The following HGD variants were observed in gnomAD, a reference collection of about 807,000 sequenced individuals.
HGD encodes homogentisate oxidase.
In HGD, 61 loss-of-function variants were observed where a neutral mutation model predicts 60.8. The observed-to-expected ratio is 1.00, with a 90% CI of 0.82 to 1.24. The LOEUF is 1.24. Among genes scored for constraint, HGD ranks in the 50% most tolerant of loss-of-function variants. The probability of loss-of-function intolerance (pLI) is 0.00; values close to 1 mark genes in which losing one functional copy is unlikely to be tolerated. For synonymous variants in HGD, 212 were observed against 187.7 expected (o/e 1.13, Z -1.06); for missense variants, 542 against 547.1 (o/e 0.99, Z 0.09).
intron 12 of HGD, 85 bp downstream of exon 12, chr3:120,638,369 AC>A (rs552542325): frequency 1.3e-5 from 20 of 1,532,776 alleles, no homozygotes; most frequent in Non-Finnish European, 1.7e-5. Flanking sequence ...TCCAGAAATA[AC>A]CCAGGCATTA....
intron 13 of HGD, among the ~76,000 whole-genome samples, chr3:120,629,694 A>T (rs906799462): frequency 6.6e-6 from 1 of 152,230 alleles, no homozygotes; most frequent in African/African-American, 2.4e-5. Context: ...AAAAGCTGGA[A>T]GCATTCCCTT....
At chr3:120,677,331 C>T (rs1054601097) in intron 1 of HGD, among the ~76,000 whole-genome samples, 2 of 152,024 alleles carry the variant, frequency 1.3e-5, no homozygotes, top group Non-Finnish European at 2.9e-5. Flanking sequence ...GGAGAAATAT[C>T]GCTGAATTCT....
chr3:120,633,251 C>G lies in HGD; in HGVS notation c.1084G>C (p.Gly362Arg). The G allele has an allele frequency of 6.2e-7, 1 of 1,614,020 alleles. No homozygotes were observed. The highest frequency in any genetic ancestry group is 1.1e-5 in the South Asian group (1 of 91,060). The change falls in exon 13 of 14, where the codon GGG (glycine) becomes CGG (arginine). Residue 362 changes from glycine to arginine, a missense_variant. By Grantham distance (125) the Gly-to-Arg change is moderately radical. Transcript: ENST00000283871. Reference protein sequence around the residue: ...AKQGGFLPGGGSLHSTMTPHG... With the variant: ...AKQGGFLPGGRSLHSTMTPHG... Reference sequence around the variant, plus strand: ...GGGGTCATTGTGCTGTGTAGACTCCCTCCCCCTGGCAGGAACCCACCTTGC... The same window carrying G: ...GGGGTCATTGTGCTGTGTAGACTCCGTCCCCCTGGCAGGAACCCACCTTGC...
At chr3:120,647,163 C>G (rs1941192361) in intron 7 of HGD, 111 bp from the exon 8 acceptor site, 1 of 801,948 alleles carries the variant, frequency 1.2e-6, no homozygotes, top group Admixed American at 1.8e-5. Context: ...ATGCAAAGAG[C>G]TTTATTGAGT....
rs1708092777 is a variant in HGD, at chr3:120,674,877, T to G, written c.176+24A>C. ...TGTCATAGTACCCACAGTCTGCAGG[T>G]CAGAATTCATCTAATCCTTGTACCT... On this transcript the variant is annotated intron_variant, in intron 3 of 13. Transcript: ENST00000283871. The G allele has an allele frequency of 2.0e-6, 3 of 1,516,194 alleles. No homozygotes were observed. In the South Asian group the frequency reaches 3.4e-5, roughly 17 times the overall value. The allele number at this position is 1,516,194 out of a possible 1,614,324, so 93.9% of individuals were successfully genotyped here.
chr3:120,670,380 C>T (rs1213425362), intron 4 of HGD, 47 bp downstream of exon 4: 1 of 926,376 alleles, frequency 1.1e-6, no homozygotes, highest in Non-Finnish European at 1.8e-6. Context: ...TATTTCTAGT[C>T]AAGGCTTTGG....
chr3:120,670,564 C>T (rs760532061), intron 3 of HGD, 32 bp from the exon 4 acceptor site: 1 of 1,221,858 alleles, frequency 8.2e-7, no homozygotes, highest in East Asian at 2.3e-5. Context: ...ATATACAAGC[C>T]TTAGAGTAAT....
Position 120,682,186 on chromosome 3 carries a change from C to T in HGD, c.-75G>A. 7.1e-7 allele frequency: 1 copy of T among 1,406,164 alleles called. No homozygotes were observed. Among genetic ancestry groups the T allele is most frequent in the East Asian group, 2.3e-5 (1 of 43,892 alleles). 87.1% of individuals were successfully genotyped at this position (1,406,164 alleles called of 1,614,324 possible). A position where few individuals can be genotyped will look rare whatever the true frequency, so the allele number is the denominator to read the frequency against. On this transcript the variant is annotated 5_prime_UTR_variant, in exon 1 of 14. Transcript: ENST00000283871. ...ATATAAAGCCACAATGCTTCTTTCTCCTTCAAACCACTCTTTGGATATTCC... is the reference window on the plus strand; with the variant it reads ...ATATAAAGCCACAATGCTTCTTTCTTCTTCAAACCACTCTTTGGATATTCC...
chr3:120,647,440 G>C (rs954221830), intron 7 of HGD, among the ~76,000 whole-genome samples: 2 of 152,182 alleles, frequency 1.3e-5, no homozygotes, highest in African/African-American at 4.8e-5. Context: ...AAACCATCAA[G>C]TATAATAGGC....
At chr3:120,653,249 A>G (rs1339075847) in intron 4 of HGD, among the ~76,000 whole-genome samples, 2 of 152,224 alleles carry the variant, frequency 1.3e-5, no homozygotes, top group African/African-American at 4.8e-5. Flanking sequence ...AGTTTAAATC[A>G]CAACAATCTT....
At chr3:120,651,966 AAT>A (rs1387101633) in intron 5 of HGD, among the ~76,000 whole-genome samples, 1 of 152,216 alleles carries the variant, frequency 6.6e-6, no homozygotes, top group Non-Finnish European at 1.5e-5. Context: ...TCTTTCAACT[AAT>A]ATGAATGTAG....
At chr3:120,654,065 A>AT (rs945687538) in intron 4 of HGD, among the ~76,000 whole-genome samples, 3 of 152,144 alleles carry the variant, frequency 2.0e-5, no homozygotes, top group African/African-American at 7.2e-5. Context: ...GCACTGCTGG[A>AT]TTTTTTAGGG....
chr3:120,632,231 G>A (rs1391374831), intron 13 of HGD, among the ~76,000 whole-genome samples: 1 of 152,168 alleles, frequency 6.6e-6, no homozygotes, highest in African/African-American at 2.4e-5. Flanking sequence ...GACAGATAAT[G>A]CTCACTGTTT....
intron 3 of HGD, 112 bp downstream of exon 3, chr3:120,674,789 A>C (rs1333017195): frequency 6.6e-6 from 5 of 757,758 alleles, no homozygotes; most frequent in Middle Eastern, 3.7e-4. Flanking sequence ...AGCCTATAAG[A>C]AGCAGGATCT....
intron 4 of HGD, among the ~76,000 whole-genome samples, chr3:120,656,800 C>T (rs902544704): frequency 1.3e-5 from 2 of 152,166 alleles, no homozygotes; most frequent in Non-Finnish European, 2.9e-5. Context: ...GATCCACTTG[C>T]CTCGCCCTCC....
chr3:120,646,512 A>G (rs1941168304), intron 8 of HGD, 146 bp from the exon 9 acceptor site: 1 of 659,174 alleles, frequency 1.5e-6, no homozygotes, highest in Non-Finnish European at 2.7e-6. Context: ...GCAAACATGA[A>G]AAACTGAATT....
intron 11 of HGD, among the ~76,000 whole-genome samples, chr3:120,640,141 G>A (rs372414628): frequency 1.4e-5 from 2 of 145,240 alleles, no homozygotes; most frequent in Non-Finnish European, 3.0e-5. Flanking sequence ...AAGGAAGGAA[G>A]GAAGGAAAGA....
chr3:120,644,424 A>G lies in HGD; in HGVS notation c.669T>C (p.Asn223=). 6.2e-7 allele frequency: 1 copy of G among 1,614,144 alleles called. No individual in the cohort carries two copies. The highest frequency in any genetic ancestry group is 8.5e-7 in the Non-Finnish European group (1 of 1,179,996). ...LGPIGANGLA[N]PRDFLIPIAW... ...CAATGGGTATCAAGAAATCACGAGG[A>G]TTGGCCAAGCCATTGGCCCCTAGAA... The change falls in exon 10 of 14, where the codon AAT becomes AAC. Residue 223 remains asparagine, a synonymous_variant. Coordinates refer to ENST00000283871, the MANE Select transcript of HGD (RefSeq NM_000187.4).
chr3:120,650,218 G>A (rs1272323409), intron 6 of HGD, among the ~76,000 whole-genome samples: 1 of 152,140 alleles, frequency 6.6e-6, no homozygotes, highest in Non-Finnish European at 1.5e-5. Flanking sequence ...TTTCTTTTCT[G>A]CCTGCTTTAA....
Sources: allele counts gnomAD v4.1 joint callset (sites outside exome capture counted in the v4.1 genomes callset), GRCh38; gene constraint gnomAD v4.1.1; transcripts MANE v1.5; gene names NCBI Gene and HGNC (gene_info 2026-07-23, HGNC 2026-07-21).